Variants in PPM1L observed in about 807,000 individuals in gnomAD.
PPM1L encodes protein phosphatase 1L.
PPM1L carries 13 observed loss-of-function variants against 31.4 expected under a neutral mutation model. The ratio of observed to expected loss-of-function variants is 0.41; its 90% CI spans 0.27 to 0.66. The LOEUF is 0.66. PPM1L is among the 30% of genes least tolerant of loss of function. PPM1L has a pLI of 0.29. For missense variants in PPM1L, 326 were observed against 453.7 expected (o/e 0.72, Z 2.56); for synonymous variants, 184 against 175.4 (o/e 1.05, Z -0.39).
chr3:160,921,262 G>T (rs571831335), intron 1 of PPM1L, among the ~76,000 whole-genome samples: 40 of 152,214 alleles, frequency 2.6e-4, no homozygotes, highest in Non-Finnish European at 3.4e-4. Flanking sequence ...GGACTGGCCA[G>T]TCAGCAGGCT....
intron 1 of PPM1L, among the ~76,000 whole-genome samples, chr3:160,915,443 A>C (rs1473582508): frequency 4.0e-5 from 6 of 151,050 alleles, no homozygotes; most frequent in Non-Finnish European, 8.8e-5. Flanking sequence ...TTCCATGTTC[A>C]TGGGTAGGAA....
intron 1 of PPM1L, among the ~76,000 whole-genome samples, chr3:160,918,249 T>C (rs369226977): frequency 1.3e-5 from 2 of 152,272 alleles, no homozygotes. Context: ...TCCACTGTTA[T>C]ATAAGCCTAT....
intron 2 of PPM1L, among the ~76,000 whole-genome samples, chr3:161,042,182 A>G (rs1448372426): frequency 6.6e-6 from 1 of 152,208 alleles, no homozygotes; most frequent in African/African-American, 2.4e-5. Context: ...CAACTGTAAT[A>G]GAAATGTTGT....
At chr3:160,996,083 A>G (rs943483113) in intron 2 of PPM1L, among the ~76,000 whole-genome samples, 1 of 152,218 alleles carries the variant, frequency 6.6e-6, no homozygotes, top group African/African-American at 2.4e-5. Context: ...TCGAAACCAC[A>G]GTGTAATACC....
Position 160,870,012 on chromosome 3 carries a change from T to A in PPM1L, c.400-91724T>A, listed in dbSNP as rs536755500. On this transcript the variant is annotated intron_variant, in intron 1 of 3. Transcript: ENST00000498165. Reference sequence around the variant, plus strand: ...GTTACTCAATCCCTCCTGATAGATATCTCTGTGGTAGCAACAATTCAAAAT... The same window carrying A: ...GTTACTCAATCCCTCCTGATAGATAACTCTGTGGTAGCAACAATTCAAAAT... Among the ~76,000 whole-genome samples, 13 of 152,274 alleles carry A rather than the reference T, an allele frequency of 8.5e-5. No individual in the cohort carries two copies. In the East Asian group the frequency reaches 2.3e-3, roughly 27 times the overall value.
At chr3:160,930,573 G>A (rs1714752480) in intron 1 of PPM1L, among the ~76,000 whole-genome samples, 1 of 152,154 alleles carries the variant, frequency 6.6e-6, no homozygotes, top group African/African-American at 2.4e-5. Context: ...CCAAATACAT[G>A]AGAGGTGAGA....
intron 1 of PPM1L, among the ~76,000 whole-genome samples, chr3:160,927,293 C>T (rs896084798): frequency 2.0e-5 from 3 of 152,150 alleles, no homozygotes; most frequent in African/African-American, 4.8e-5. Flanking sequence ...AAGTAATTTC[C>T]AGTTGTGTCT....
intron 1 of PPM1L, among the ~76,000 whole-genome samples, chr3:160,875,207 T>A (rs1220897787): frequency 6.6e-6 from 1 of 152,220 alleles, no homozygotes; most frequent in Non-Finnish European, 1.5e-5. Flanking sequence ...CAAGGCAGGA[T>A]TATTGATATG....
chr3:161,043,469 T>G (rs764867843), intron 2 of PPM1L, among the ~76,000 whole-genome samples: 7 of 152,206 alleles, frequency 4.6e-5, no homozygotes, highest in Admixed American at 1.3e-4. Context: ...CTGCTAAAGC[T>G]GTTTTCACAT....
chr3:161,012,968 G>T (rs1172947982), intron 2 of PPM1L, among the ~76,000 whole-genome samples: 1 of 152,066 alleles, frequency 6.6e-6, no homozygotes, highest in Non-Finnish European at 1.5e-5. Context: ...CAAAAAACCA[G>T]CTCCTGGATT....
intron 1 of PPM1L, among the ~76,000 whole-genome samples, chr3:160,940,063 TTA>T (rs1252369620): frequency 6.6e-6 from 1 of 152,184 alleles, no homozygotes; most frequent in Non-Finnish European, 1.5e-5. Flanking sequence ...GTGATTTTTA[TTA>T]TGTTTTAGCA....
chr3:161,002,334 G>C (rs1004860642), intron 2 of PPM1L, among the ~76,000 whole-genome samples: 1 of 152,074 alleles, frequency 6.6e-6, no homozygotes, highest in Non-Finnish European at 1.5e-5. Flanking sequence ...ATGATTTATA[G>C]TCGTTTGGGT....
At chr3:160,970,039 T>A (rs986836694) in intron 2 of PPM1L, among the ~76,000 whole-genome samples, 2 of 152,238 alleles carry the variant, frequency 1.3e-5, no homozygotes, top group African/African-American at 4.8e-5. Flanking sequence ...TTAACATTTT[T>A]AATCATATTT....
At chr3:161,010,167 G>A (rs1299351737) in intron 2 of PPM1L, among the ~76,000 whole-genome samples, 1 of 151,272 alleles carries the variant, frequency 6.6e-6, no homozygotes, top group East Asian at 1.9e-4. Context: ...CCCACCCCAT[G>A]ACAGGCCCCA....
chr3:160,772,678 G>C (rs576030705), intron 1 of PPM1L, among the ~76,000 whole-genome samples: 1 of 152,226 alleles, frequency 6.6e-6, no homozygotes, highest in South Asian at 2.1e-4. Flanking sequence ...ACCCTCAAAA[G>C]TTTCTTGATG....
chr3:160,871,079 G>A (rs1712285759), intron 1 of PPM1L, among the ~76,000 whole-genome samples: 1 of 152,164 alleles, frequency 6.6e-6, no homozygotes, highest in Admixed American at 6.5e-5. Flanking sequence ...TCTATTCTGG[G>A]ATGCTTTAGA....
intron 3 of PPM1L, among the ~76,000 whole-genome samples, chr3:161,065,810 T>C (rs1159085233): frequency 6.6e-6 from 1 of 152,210 alleles, no homozygotes; most frequent in African/African-American, 2.4e-5. Flanking sequence ...ATAAGATCTT[T>C]GGGCCCCGGG....
At position 161,078,072 on chromosome 3, in the gene PPM1L, G is replaced by T. The variant is rs1268567191; in HGVS notation, c.*8915G>T. On this transcript the variant is annotated 3_prime_UTR_variant, in exon 4 of 4. Transcript: ENST00000498165. ...AAGATCTGATTGTGATCAAAAGTAG[G>T]GTTTTTGTTTTGTTTTTAATCATGA... 6.6e-6 allele frequency: 1 copy of T among 152,094 alleles called. No homozygotes were observed. The highest frequency in any genetic ancestry group is 1.5e-5 in the Non-Finnish European group (1 of 68,024). The allele number at this position is 152,094 out of a possible 1,614,324, so 9.4% of individuals were successfully genotyped here.
intron 1 of PPM1L, among the ~76,000 whole-genome samples, chr3:160,767,540 G>A (rs565685361): frequency 1.5e-4 from 23 of 152,216 alleles, no homozygotes; most frequent in African/African-American, 5.5e-4. Context: ...CAGCCTGTGT[G>A]TCTTAGTTTC....
Sources: gnomAD v4.1 joint callset for allele counts (sites outside exome capture counted in the v4.1 genomes callset) on GRCh38, gnomAD v4.1.1 for gene constraint, MANE v1.5 for transcripts, NCBI Gene and HGNC (gene_info 2026-07-23, HGNC 2026-07-21) for gene names.